The following CADM2 variants were observed in gnomAD, a reference collection of about 807,000 sequenced individuals.
CADM2 encodes cell adhesion molecule 2.
A neutral mutation model predicts 49.8 loss-of-function variants in CADM2; 12 were observed. The ratio of observed to expected loss-of-function variants is 0.24; its 90% CI spans 0.15 to 0.39. The LOEUF (loss-of-function observed/expected upper bound fraction) is 0.39, where lower values mean the gene tolerates loss of function less well. CADM2 is among the 10% of genes least tolerant of loss of function. The pLI is 1.00. For synonymous variants in CADM2, 214 were observed against 175.4 expected, an observed-to-expected ratio of 1.22 and a Z score of -1.74; for missense variants, 378 against 492.3, an observed-to-expected ratio of 0.77 and a Z score of 2.20.
At chr3:85,033,583 A>T (rs531123111) in intron 1 of CADM2, among the ~76,000 whole-genome samples, 2 of 152,294 alleles carry the variant, frequency 1.3e-5, no homozygotes, top group South Asian at 4.1e-4. Flanking sequence ...TTATATTGTC[A>T]GGGACTAGAA....
intron 1 of CADM2, among the ~76,000 whole-genome samples, chr3:85,184,838 T>A (rs941450341): frequency 6.6e-6 from 1 of 152,106 alleles, no homozygotes; most frequent in Non-Finnish European, 1.5e-5. Context: ...TTTGTCAAGA[T>A]AAATATCCTA....
chr3:85,623,175 A>G (rs2064026331), intron 1 of CADM2, among the ~76,000 whole-genome samples: 1 of 152,070 alleles, frequency 6.6e-6, no homozygotes, highest in Non-Finnish European at 1.5e-5. Context: ...AAGGCATTCT[A>G]TTTATTTTCA....
rs554202214 is a variant in CADM2, at chr3:84,998,737, T to A, written c.61+39069T>A. On this transcript the variant is annotated intron_variant, in intron 1 of 9. Coordinates refer to ENST00000383699, the MANE Select transcript of CADM2 (RefSeq NM_001167675.2). ...GTTTCCAGGAATGGACACAGAGCAATGCGTGTTTTCTTCTGTGATCAGGGG... is the reference window on the plus strand; with the variant it reads ...GTTTCCAGGAATGGACACAGAGCAAAGCGTGTTTTCTTCTGTGATCAGGGG... Among the ~76,000 whole-genome samples the A allele has an allele frequency of 8.5e-5, 13 of 152,220 alleles. No individual in the cohort carries two copies. In the East Asian group the frequency reaches 2.5e-3, roughly 29 times the overall value.
At chr3:85,415,372 A>G (rs1441923835) in intron 1 of CADM2, among the ~76,000 whole-genome samples, 1 of 151,734 alleles carries the variant, frequency 6.6e-6, no homozygotes, top group African/African-American at 2.4e-5. Context: ...TTTTTAATAT[A>G]CACTCAAAGT....
intron 1 of CADM2, among the ~76,000 whole-genome samples, chr3:85,319,328 C>T (rs1300560455): frequency 6.6e-6 from 1 of 152,102 alleles, no homozygotes; most frequent in Non-Finnish European, 1.5e-5. Context: ...AAAAGGAATG[C>T]TTATAGACTG....
At chr3:85,641,139 A>G (rs536708483) in intron 1 of CADM2, among the ~76,000 whole-genome samples, 88 of 152,310 alleles carry the variant, frequency 5.8e-4, no homozygotes, top group South Asian at 2.3e-3. Flanking sequence ...GTTTTAATGT[A>G]TTGCATTAAT....
At chr3:85,027,920 T>C (rs945883517) in intron 1 of CADM2, among the ~76,000 whole-genome samples, 2 of 152,152 alleles carry the variant, frequency 1.3e-5, no homozygotes, top group South Asian at 4.1e-4. Flanking sequence ...ATTATCTCCC[T>C]ATAATTTTAT....
At chr3:85,514,218 A>G (rs1158476354) in intron 1 of CADM2, among the ~76,000 whole-genome samples, 2 of 152,054 alleles carry the variant, frequency 1.3e-5, no homozygotes, top group African/African-American at 4.8e-5. Flanking sequence ...ATTGTATTTT[A>G]AACCTGCCAC....
intron 1 of CADM2, among the ~76,000 whole-genome samples, chr3:85,328,146 C>G (rs1001431324): frequency 1.3e-5 from 2 of 152,116 alleles, no homozygotes; most frequent in Admixed American, 6.5e-5. Flanking sequence ...AGTAACTTGT[C>G]TCTTGTGATT....
Position 85,912,384 on chromosome 3 carries a change from T to C in CADM2, c.541T>C (p.Leu181=). The C allele has an allele frequency of 1.9e-6, 3 of 1,606,696 alleles. No individual in the cohort carries two copies. Among genetic ancestry groups the C allele is most frequent in the Non-Finnish European group, 2.5e-6 (3 of 1,176,624 alleles). Residue 181 remains leucine (L), a synonymous_variant, in exon 6 of 10, where the codon TTA becomes CTA. Transcript: ENST00000383699. Reference sequence around the variant, plus strand: ...TATTTTATTTTCAGATGTAAAATATTTAAAAGAAGAGGATGCAAATCGCAA... The same window carrying C: ...TATTTTATTTTCAGATGTAAAATATCTAAAAGAAGAGGATGCAAATCGCAA... ...NDKEIKDVKY[L]KEEDANRKTF...
chr3:85,307,565 T>C (rs2044244394), intron 1 of CADM2, among the ~76,000 whole-genome samples: 1 of 151,808 alleles, frequency 6.6e-6, no homozygotes, highest in African/African-American at 2.4e-5. Context: ...AATGCTGCAA[T>C]TTATTTCATT....
chr3:85,814,249 G>A (rs893786308), intron 3 of CADM2, among the ~76,000 whole-genome samples: 2 of 151,910 alleles, frequency 1.3e-5, no homozygotes, highest in Non-Finnish European at 1.5e-5. Flanking sequence ...CCTTGAAGAG[G>A]TCCTTCATAT....
At chr3:85,285,756 G>T (rs893310899) in intron 1 of CADM2, among the ~76,000 whole-genome samples, 9 of 151,724 alleles carry the variant, frequency 5.9e-5, no homozygotes, top group African/African-American at 2.2e-4. Context: ...GCAAGATGAA[G>T]AATAATACAA....
At chr3:85,835,754 T>C (rs573170934) in intron 3 of CADM2, among the ~76,000 whole-genome samples, 1 of 125,630 alleles carries the variant, frequency 8.0e-6, no homozygotes, top group East Asian at 2.7e-4. Context: ...ATGTATATAA[T>C]ATATAATATA....
intron 1 of CADM2, among the ~76,000 whole-genome samples, chr3:85,724,799 A>T (rs1222235246): frequency 6.6e-6 from 1 of 151,910 alleles, no homozygotes; most frequent in East Asian, 1.9e-4. Context: ...TTACTTTGCT[A>T]TATTACCTGT....
intron 1 of CADM2, among the ~76,000 whole-genome samples, chr3:85,349,504 C>T (rs566933815): frequency 6.6e-6 from 1 of 152,226 alleles, no homozygotes; most frequent in East Asian, 1.9e-4. Context: ...TTTCTGTCTT[C>T]CCTAACAATT....
chr3:85,735,735 G>A (rs1390104655), intron 2 of CADM2, among the ~76,000 whole-genome samples: 2 of 150,778 alleles, frequency 1.3e-5, no homozygotes, highest in Non-Finnish European at 3.0e-5. Context: ...GAGTGTAGAT[G>A]TTTTGTTTGT....
At chr3:85,357,645 C>T (rs576044383) in intron 1 of CADM2, among the ~76,000 whole-genome samples, 2 of 144,540 alleles carry the variant, frequency 1.4e-5, no homozygotes, top group East Asian at 4.2e-4. Context: ...AATTTACTCC[C>T]AAATCCATTC....
chr3:85,566,398 C>T lies in CADM2; in HGVS notation c.62-160124C>T, dbSNP rs141299818. On this transcript the variant is annotated intron_variant, in intron 1 of 9. Coordinates refer to ENST00000383699, the MANE Select transcript of CADM2 (RefSeq NM_001167675.2). Reference sequence around the variant, plus strand: ...TATAAAATTCTTTTTTTAAGAAGTGCTTTGATACTCAGAGAAAACAAGCAA... The same window carrying T: ...TATAAAATTCTTTTTTTAAGAAGTGTTTTGATACTCAGAGAAAACAAGCAA... 2.3e-3 allele frequency among the ~76,000 whole-genome samples: 355 copies of T among 151,950 alleles called. 10 individuals are homozygous for T. In the East Asian group the frequency reaches 0.049, roughly 21 times the overall value.
Sources: gnomAD v4.1 joint callset for allele counts (sites outside exome capture counted in the v4.1 genomes callset) on GRCh38, gnomAD v4.1.1 for gene constraint, MANE v1.5 for transcripts, NCBI Gene and HGNC (gene_info 2026-07-23, HGNC 2026-07-21) for gene names.